HDAC9: variants seen among roughly 807,000 people sequenced by gnomAD.
HDAC9 encodes the protein histone deacetylase 9.
Under a neutral mutation model 139.4 loss-of-function variants are expected in HDAC9, and 41 were observed. The ratio of observed to expected loss-of-function variants is 0.29; its 90% CI spans 0.23 to 0.38. HDAC9 has a LOEUF of 0.38. HDAC9 is among the 10% of genes least tolerant of loss of function. The probability of loss-of-function intolerance (pLI) is 1.00; values close to 1 mark genes in which losing one functional copy is unlikely to be tolerated. For synonymous variants in HDAC9, 517 were observed against 476.2 expected, an observed-to-expected ratio of 1.09 and a Z score of -1.12; for missense variants, 1,147 against 1,297.0, an observed-to-expected ratio of 0.88 and a Z score of 1.78.
intron 6 of HDAC9, among the ~76,000 whole-genome samples, chr7:18,595,005 C>A (rs1360777103): frequency 6.6e-6 from 1 of 151,842 alleles, no homozygotes. Flanking sequence ...TTTTCCCAAG[C>A]AATTTTGAGA....
intron 16 of HDAC9, among the ~76,000 whole-genome samples, chr7:18,773,932 A>G (rs1409372203): frequency 6.6e-6 from 1 of 152,082 alleles, no homozygotes; most frequent in Non-Finnish European, 1.5e-5. Context: ...TTTGTGAAGT[A>G]TTTTAACCAC....
chr7:18,747,020 A>C (rs1411519943), intron 13 of HDAC9, among the ~76,000 whole-genome samples: 1 of 152,166 alleles, frequency 6.6e-6, no homozygotes, highest in Non-Finnish European at 1.5e-5. Context: ...GACTGGAGTT[A>C]TGGAGGTCAA....
chr7:18,392,647 G>A (rs1052230300), intron 1 of HDAC9, among the ~76,000 whole-genome samples: 11 of 151,702 alleles, frequency 7.3e-5, no homozygotes, highest in South Asian at 2.1e-4. Flanking sequence ...TGTGTATTGC[G>A]CATCCAGATC....
At chr7:18,762,676 A>C (rs1197169043) in intron 15 of HDAC9, among the ~76,000 whole-genome samples, 1 of 152,160 alleles carries the variant, frequency 6.6e-6, no homozygotes. Flanking sequence ...CTATGACCTT[A>C]AGAAACAAAG....
rs556444246 is a variant in HDAC9, at chr7:18,595,944, A to T, written c.664+1915A>T. On this transcript the variant is annotated intron_variant, in intron 6 of 25. Coordinates refer to ENST00000686413, the MANE Select transcript of HDAC9 (RefSeq NM_178425.4). The stretch of plus-strand genomic sequence containing the variant: ...TAATTTATTCTCATAGATTTTTTTC[A>T]ATCCACAACACAATTTAAAAAGAAA... 9.2e-5 allele frequency among the ~76,000 whole-genome samples: 14 copies of T among 152,180 alleles called. No individual in the cohort carries two copies. In the South Asian group the frequency reaches 2.9e-3, roughly 32 times the overall value.
At chr7:18,968,805 A>G (rs1478171790) in intron 24 of HDAC9, among the ~76,000 whole-genome samples, 1 of 151,798 alleles carries the variant, frequency 6.6e-6, no homozygotes, top group East Asian at 1.9e-4. Flanking sequence ...TAAACATACA[A>G]AAAATTAGCT....
intron 12 of HDAC9, among the ~76,000 whole-genome samples, chr7:18,671,415 T>C (rs1275030739): frequency 6.6e-6 from 1 of 152,010 alleles, no homozygotes; most frequent in East Asian, 1.9e-4. Context: ...AAATAATGTT[T>C]TGGAGATGGC....
chr7:18,613,251 G>A (rs1034805708), intron 6 of HDAC9, among the ~76,000 whole-genome samples: 2 of 151,834 alleles, frequency 1.3e-5, no homozygotes, highest in Admixed American at 6.6e-5. Flanking sequence ...AGTTTCATTA[G>A]CAATCTTCTA....
intron 2 of HDAC9, among the ~76,000 whole-genome samples, chr7:18,548,416 C>A (rs1815937780): frequency 6.6e-6 from 1 of 152,148 alleles, no homozygotes; most frequent in Non-Finnish European, 1.5e-5. Context: ...GACACTGACA[C>A]ACTTGCTCAA....
intron 13 of HDAC9, among the ~76,000 whole-genome samples, chr7:18,737,227 ATCTCC>A (rs1454328501): frequency 6.6e-6 from 1 of 151,868 alleles, no homozygotes; most frequent in Non-Finnish European, 1.5e-5. Context: ...TTGTGTCTCT[ATCTCC>A]TTCAGTTCTG....
chr7:18,649,114 G>A (rs552336910), intron 11 of HDAC9, among the ~76,000 whole-genome samples: 5 of 152,272 alleles, frequency 3.3e-5, no homozygotes, highest in East Asian at 1.9e-4. Flanking sequence ...ATGCATCTAC[G>A]TTACATTTAT....
chr7:18,169,832 G>T (rs1440465854), intron 2 of HDAC9, among the ~76,000 whole-genome samples: 1 of 152,102 alleles, frequency 6.6e-6, no homozygotes, highest in Non-Finnish European at 1.5e-5. Flanking sequence ...GTGTATATTT[G>T]CCACATTTTC....
intron 1 of HDAC9, among the ~76,000 whole-genome samples, chr7:18,406,640 T>C (rs560961828): frequency 1.3e-5 from 2 of 152,248 alleles, no homozygotes; most frequent in Non-Finnish European, 2.9e-5. Context: ...CCACCCGCCT[T>C]GGCCTTCCAA....
chr7:18,708,510 A>T (rs1784106752), intron 12 of HDAC9, among the ~76,000 whole-genome samples: 1 of 152,252 alleles, frequency 6.6e-6, no homozygotes. Context: ...GGCTTTCTGC[A>T]TAAGGCCCTG....
chr7:18,944,909 C>T (rs10252281), intron 23 of HDAC9, among the ~76,000 whole-genome samples: 96,906 of 151,960 alleles, frequency 0.64, 30,965 homozygotes, highest in South Asian at 0.75. Context: ...ATAAAAATAA[C>T]TTTTAGGGAA....
intron 23 of HDAC9, among the ~76,000 whole-genome samples, chr7:18,939,082 T>C (rs1033677975): frequency 1.3e-5 from 2 of 152,254 alleles, no homozygotes; most frequent in East Asian, 1.9e-4. Flanking sequence ...GTATGTCTTA[T>C]GGTAAATTTG....
intron 22 of HDAC9, among the ~76,000 whole-genome samples, chr7:18,922,280 CTG>C (rs1369439593): frequency 6.6e-6 from 1 of 151,936 alleles, no homozygotes; most frequent in Non-Finnish European, 1.5e-5. Flanking sequence ...TAACAAGACA[CTG>C]TGCTAAATTA....
At chr7:18,553,587 C>CT (rs1181102580) in intron 2 of HDAC9, among the ~76,000 whole-genome samples, 2 of 152,170 alleles carry the variant, frequency 1.3e-5, no homozygotes, top group Non-Finnish European at 2.9e-5. Flanking sequence ...AAAGATTCTG[C>CT]TTTAATTCCG....
intron 6 of HDAC9, among the ~76,000 whole-genome samples, chr7:18,618,987 T>C (rs914585818): frequency 6.6e-6 from 1 of 151,996 alleles, no homozygotes; most frequent in African/African-American, 2.4e-5. Context: ...GATTGAAGAC[T>C]GAAACATGTT....
Sources: allele counts gnomAD v4.1 joint callset (sites outside exome capture counted in the v4.1 genomes callset), GRCh38; gene constraint gnomAD v4.1.1; transcripts MANE v1.5; gene names NCBI Gene and HGNC (gene_info 2026-07-23, HGNC 2026-07-21).